TRIM9: variants seen among roughly 807,000 people sequenced by gnomAD.
The protein encoded by TRIM9 is E3 ubiquitin-protein ligase TRIM9.
A neutral mutation model predicts 78.3 loss-of-function variants in TRIM9; 26 were observed. That is an observed-to-expected ratio of 0.33 (90% CI 0.24 to 0.46). The LOEUF (loss-of-function observed/expected upper bound fraction) is 0.46. Ranked by LOEUF, TRIM9 falls within the 20% of genes least tolerant of loss-of-function variation. The pLI, the probability that TRIM9 is intolerant of heterozygous loss-of-function variation, is 1.00. For synonymous variants in TRIM9, 398 were observed against 416.5 expected (o/e 0.96, Z 0.54); for missense variants, 787 against 1,036.4 (o/e 0.76, Z 3.30).
At chr14:51,028,819 AG>A (rs891394633) in intron 1 of TRIM9, among the ~76,000 whole-genome samples, 5 of 152,130 alleles carry the variant, frequency 3.3e-5, no homozygotes, top group Non-Finnish European at 7.3e-5. Flanking sequence ...AGAATCACCG[AG>A]GTCTCCCAGA....
intron 1 of TRIM9, among the ~76,000 whole-genome samples, chr14:51,040,410 G>A (rs1485809026): frequency 6.6e-6 from 1 of 152,080 alleles, no homozygotes; most frequent in African/African-American, 2.4e-5. Flanking sequence ...GGCAGCACCC[G>A]ACATCTAGTC....
At chr14:51,015,998 G>A (rs1396775961) in intron 3 of TRIM9, among the ~76,000 whole-genome samples, 3 of 152,018 alleles carry the variant, frequency 2.0e-5, no homozygotes, top group Non-Finnish European at 4.4e-5. Context: ...AATCCTTTTT[G>A]TTTAAGGTCC....
At chr14:50,994,095 A>G (rs1228851635) in intron 7 of TRIM9, among the ~76,000 whole-genome samples, 1 of 152,180 alleles carries the variant, frequency 6.6e-6, no homozygotes, top group African/African-American at 2.4e-5. Context: ...GCTCAAGGTA[A>G]TCACAAGGAT....
intron 1 of TRIM9, among the ~76,000 whole-genome samples, chr14:51,055,851 A>G (rs562186006): frequency 6.6e-6 from 1 of 152,366 alleles, no homozygotes; most frequent in Non-Finnish European, 1.5e-5. Flanking sequence ...CATGAATACA[A>G]TATAACTTGC....
At chr14:51,014,330 A>C (rs1412356705) in intron 3 of TRIM9, among the ~76,000 whole-genome samples, 1 of 152,182 alleles carries the variant, frequency 6.6e-6, no homozygotes, top group Non-Finnish European at 1.5e-5. Context: ...GAGTTTCAGC[A>C]GGGGTTTGCA....
At chr14:51,007,907 A>T (rs1463545705) in intron 5 of TRIM9, among the ~76,000 whole-genome samples, 4 of 152,080 alleles carry the variant, frequency 2.6e-5, no homozygotes. Context: ...CATCATGTGG[A>T]CCCTAAGTAG....
intron 7 of TRIM9, chr14:50,997,184 T>C: frequency 1.0e-6 from 1 of 985,432 alleles, no homozygotes; most frequent in Non-Finnish European, 1.2e-6. Context: ...TCCTTGTAGG[T>C]TTAATTTCAT....
chr14:51,073,318 C>T (rs2062460051), intron 1 of TRIM9, among the ~76,000 whole-genome samples: 2 of 152,172 alleles, frequency 1.3e-5, no homozygotes, highest in Admixed American at 6.5e-5. Flanking sequence ...AACAGAAATG[C>T]TTACATTTAT....
chr14:51,041,443 G>C (rs994424508), intron 1 of TRIM9, among the ~76,000 whole-genome samples: 3 of 152,252 alleles, frequency 2.0e-5, no homozygotes, highest in African/African-American at 7.2e-5. Flanking sequence ...CCAAGTGTGA[G>C]CCCACAGCCT....
In TRIM9 at chr14:51,033,033, C is replaced by T. The variant is rs572908875; in HGVS notation, c.823-7673G>A. Among the ~76,000 whole-genome samples, 6 of 152,320 alleles carry T rather than the reference C, an allele frequency of 3.9e-5. No homozygotes were observed. In the South Asian group the frequency reaches 8.3e-4, roughly 21 times the overall value. On this transcript the variant is annotated intron_variant, in intron 1 of 12. Transcript: ENST00000684578. ...TCTGCAACACTCAAAATCTGAAACA[C>T]TACTGGTCCTAATCATTCTGGATAA...
chr14:51,053,108 C>CCAGGAGGTG (rs2060564451), intron 1 of TRIM9, among the ~76,000 whole-genome samples: 1 of 148,600 alleles, frequency 6.7e-6, no homozygotes, highest in Non-Finnish European at 1.5e-5. Context: ...TACAGTGAGC[C>CCAGGAGGTG]GAGATTGTGC....
At chr14:50,979,352 C>G (rs754451004) in intron 12 of TRIM9, 35 bp downstream of exon 12, 1 of 1,614,200 alleles carries the variant, frequency 6.2e-7, no homozygotes. Flanking sequence ...CGGTAGCCAG[C>G]AACAGCTGTT....
At chr14:51,010,355 A>G in intron 4 of TRIM9, 29 bp downstream of exon 4, 1 of 1,557,432 alleles carries the variant, frequency 6.4e-7, no homozygotes. Context: ...GACATTTAGA[A>G]TCTGACGCAG....
At chr14:50,983,643 C>A (rs1159476844) in intron 8 of TRIM9, among the ~76,000 whole-genome samples, 1 of 152,192 alleles carries the variant, frequency 6.6e-6, no homozygotes, top group Non-Finnish European at 1.5e-5. Context: ...AATCCTCCTC[C>A]AATTGATCCT....
At chr14:51,074,910 T>G (rs1249139378) in intron 1 of TRIM9, among the ~76,000 whole-genome samples, 2 of 152,234 alleles carry the variant, frequency 1.3e-5, no homozygotes, top group Non-Finnish European at 2.9e-5. Flanking sequence ...TCATCTCCTT[T>G]TGATCTCACA....
intron 1 of TRIM9, among the ~76,000 whole-genome samples, chr14:51,053,580 CTTTT>C (rs1348456935): frequency 2.7e-5 from 2 of 74,812 alleles, no homozygotes; most frequent in Non-Finnish European, 5.5e-5. Context: ...TTTTAATTTT[CTTTT>C]TTTTTTTTTA....
chr14:51,084,877 T>C lies in TRIM9; in HGVS notation c.822+9241A>G, dbSNP rs1377142810. Reference sequence around the variant, plus strand: ...ATTATGTCATAGAGTAATTTGGCTTTGGATGAGCTGGGCTTACAGTTGAGC... The same window carrying C: ...ATTATGTCATAGAGTAATTTGGCTTCGGATGAGCTGGGCTTACAGTTGAGC... On this transcript the variant is annotated intron_variant, in intron 1 of 12. Transcript: ENST00000684578. 9.8e-5 allele frequency among the ~76,000 whole-genome samples: 15 copies of C among 152,318 alleles called. No homozygotes were observed. In the South Asian group the frequency reaches 1.0e-3, roughly 11 times the overall value.
intron 1 of TRIM9, among the ~76,000 whole-genome samples, chr14:51,066,819 A>C (rs1397559898): frequency 2.6e-5 from 4 of 152,110 alleles, no homozygotes; most frequent in African/African-American, 7.2e-5. Context: ...CAGTTTGAAC[A>C]GGTGGTCGCC....
At chr14:51,025,002 T>C (rs1336800900) in intron 2 of TRIM9, among the ~76,000 whole-genome samples, 3 of 152,144 alleles carry the variant, frequency 2.0e-5, no homozygotes, top group Admixed American at 6.5e-5. Context: ...TATTCAGTAG[T>C]AGAGAATTAG....
Sources: allele counts gnomAD v4.1 joint callset (sites outside exome capture counted in the v4.1 genomes callset), GRCh38; gene constraint gnomAD v4.1.1; transcripts MANE v1.5; gene names NCBI Gene and HGNC (gene_info 2026-07-23, HGNC 2026-07-21).